The following TTC27 variants were observed in gnomAD, a reference collection of about 807,000 sequenced individuals.
The protein encoded by TTC27 is tetratricopeptide repeat protein 27.
TTC27 carries 79 observed loss-of-function variants against 115.9 expected under a neutral mutation model. That is an observed-to-expected ratio of 0.68 (90% CI 0.57 to 0.82). TTC27 has a LOEUF of 0.82. Ranked by LOEUF, TTC27 falls within the 40% of genes least tolerant of loss-of-function variation. TTC27 has a pLI of 0.00. For synonymous variants in TTC27, 401 were observed against 356.0 expected, an observed-to-expected ratio of 1.13 and a Z score of -1.42; for missense variants, 1,054 against 993.1, an observed-to-expected ratio of 1.06 and a Z score of -0.82.
chr2:32,757,039 G>A (rs1363709578), intron 12 of TTC27, among the ~76,000 whole-genome samples: 1 of 152,156 alleles, frequency 6.6e-6, no homozygotes, highest in Non-Finnish European at 1.5e-5. Flanking sequence ...TAAAGTGAAT[G>A]GGCTGTCTGG....
intron 16 of TTC27, among the ~76,000 whole-genome samples, chr2:32,787,808 C>CTAAATAAA (rs34416911): frequency 0.044 from 6,663 of 151,080 alleles, 185 homozygotes; most frequent in Middle Eastern, 0.13. Flanking sequence ...AACTCTGTCT[C>CTAAATAAA]TAAATAAATA....
intron 12 of TTC27, among the ~76,000 whole-genome samples, chr2:32,748,850 G>A (rs1280049764): frequency 1.3e-5 from 2 of 151,984 alleles, no homozygotes; most frequent in Non-Finnish European, 2.9e-5. Context: ...ACCATGCCCG[G>A]CTAATTTTTG....
At chr2:32,737,505 A>G (rs1362227195) in intron 12 of TTC27, among the ~76,000 whole-genome samples, 1 of 152,214 alleles carries the variant, frequency 6.6e-6, no homozygotes, top group Non-Finnish European at 1.5e-5. Context: ...TGGATCATTT[A>G]TACCTACAGT....
At chr2:32,766,450 A>G (rs770710406) in intron 13 of TTC27, 1 of 437,502 alleles carries the variant, frequency 2.3e-6, no homozygotes, top group Non-Finnish European at 4.7e-6. Context: ...GTCTAATTTC[A>G]ATATTGTTGT....
At chr2:32,776,122 C>G (rs549066667) in intron 13 of TTC27, among the ~76,000 whole-genome samples, 270 of 152,314 alleles carry the variant, frequency 1.8e-3, no homozygotes, top group African/African-American at 6.2e-3. Context: ...TATCCATCCT[C>G]TTTTCAGTCA....
chr2:32,649,630 T>C (rs995390663), intron 4 of TTC27, among the ~76,000 whole-genome samples: 1 of 151,694 alleles, frequency 6.6e-6, no homozygotes, highest in Non-Finnish European at 1.5e-5. Context: ...CTGCAACCTC[T>C]GCCTCCCAGG....
chr2:32,808,598 G>T (rs1219698223), intron 16 of TTC27, among the ~76,000 whole-genome samples: 1 of 152,100 alleles, frequency 6.6e-6, no homozygotes, highest in African/African-American at 2.4e-5. Context: ...TCATGCCCCT[G>T]CAAACACACA....
chr2:32,628,336 A>G lies in TTC27; in HGVS notation c.44A>G (p.Glu15Gly). ...GCAATTCTGAGGGGATTCCCCACTG[A>G]GGCTGAGCGGCAGCAATGGAAACAG... ...ELAILRGFPT[E>G]AERQQWKQEG... Residue 15 changes from glutamate to glycine, a missense_variant, in exon 1 of 20, where the codon GAG becomes GGG. By Grantham distance (98) the Glu-to-Gly change is moderately conservative. Transcript: ENST00000317907. 1.2e-6 allele frequency: 2 copies of G among 1,607,994 alleles called. No homozygotes were observed. Among genetic ancestry groups the G allele is most frequent in the Non-Finnish European group, 1.7e-6 (2 of 1,178,186 alleles).
intron 8 of TTC27, 147 bp from the exon 9 acceptor site, chr2:32,678,709 G>A (rs532608537): frequency 1.3e-5 from 7 of 540,818 alleles, no homozygotes; most frequent in African/African-American, 1.2e-4. Flanking sequence ...TCACAGGTGT[G>A]AGCCACTGTG....
chr2:32,813,909 C>T lies in TTC27; in HGVS notation c.2308+1294C>T, dbSNP rs760651548. Among the ~76,000 whole-genome samples, 8 of 152,122 alleles carry T rather than the reference C, an allele frequency of 5.3e-5. No individual in the cohort carries two copies. The East Asian group carries it at 1.2e-3, about 22-fold the overall frequency. On this transcript the variant is annotated intron_variant, in intron 18 of 19. Transcript: ENST00000317907. The stretch of plus-strand genomic sequence containing the variant: ...AGTTGGGGGTAATTGCTAATAGAGC[C>T]GTAGAAGGATGTTTTGGGGGTGGTT...
chr2:32,721,816 T>G (rs1009368948), intron 10 of TTC27, among the ~76,000 whole-genome samples: 1 of 152,088 alleles, frequency 6.6e-6, no homozygotes, highest in Non-Finnish European at 1.5e-5. Flanking sequence ...TTTTCATTTT[T>G]TTAGAGGTGA....
intron 5 of TTC27, among the ~76,000 whole-genome samples, chr2:32,661,246 A>G (rs141214133): frequency 2.0e-5 from 3 of 152,164 alleles, no homozygotes; most frequent in African/African-American, 4.8e-5. Context: ...TGTCTTGGCT[A>G]TACGGGCTCT....
chr2:32,708,304 G>GTTTTTTTTTGTTTTTTTT (rs1667450512), intron 10 of TTC27, among the ~76,000 whole-genome samples: 6 of 61,356 alleles, frequency 9.8e-5, no homozygotes, highest in Non-Finnish European at 1.9e-4. Flanking sequence ...TCTCTACCTT[G>GTTTTTTTTTGTTTTTTTT]TTTTTTTTTT....
At chr2:32,678,716 T>C in intron 8 of TTC27, 140 bp from the exon 9 acceptor site, 2 of 577,586 alleles carry the variant, frequency 3.5e-6, no homozygotes, top group Non-Finnish European at 5.8e-6. Flanking sequence ...TGTGAGCCAC[T>C]GTGCCCGGCC....
intron 1 of TTC27, among the ~76,000 whole-genome samples, chr2:32,630,086 A>G (rs73922768): frequency 0.012 from 1,877 of 152,324 alleles, 36 homozygotes; most frequent in African/African-American, 0.043. Context: ...AGGAATACGC[A>G]TGGGACATTA....
chr2:32,716,173 T>G (rs1011704740), intron 10 of TTC27, among the ~76,000 whole-genome samples: 9 of 152,142 alleles, frequency 5.9e-5, no homozygotes, highest in Non-Finnish European at 1.0e-4. Flanking sequence ...CTTTAAACCT[T>G]TTTCCCTCTA....
At chr2:32,766,943 G>A (rs1034278501) in intron 13 of TTC27, among the ~76,000 whole-genome samples, 8 of 151,934 alleles carry the variant, frequency 5.3e-5, no homozygotes, top group Admixed American at 3.3e-4. Context: ...GCACCACCAC[G>A]ACCGGCTAAT....
intron 13 of TTC27, among the ~76,000 whole-genome samples, chr2:32,771,136 G>GATA (rs1362002694): frequency 6.6e-6 from 1 of 152,146 alleles, no homozygotes; most frequent in Admixed American, 6.5e-5. Flanking sequence ...TCCCGAGGAA[G>GATA]ATAACAAAGG....
intron 10 of TTC27, among the ~76,000 whole-genome samples, chr2:32,703,896 G>A (rs1667274912): frequency 6.6e-6 from 1 of 152,186 alleles, no homozygotes; most frequent in Admixed American, 6.5e-5. Flanking sequence ...TAGTTGTAAA[G>A]GCTGGAAAGT....
Sources: allele counts gnomAD v4.1 joint callset (sites outside exome capture counted in the v4.1 genomes callset), GRCh38; gene constraint gnomAD v4.1.1; transcripts MANE v1.5; gene names NCBI Gene and HGNC (gene_info 2026-07-23, HGNC 2026-07-21).